The following RNF180 variants were observed in gnomAD, a reference collection of about 807,000 sequenced individuals.
The protein encoded by RNF180 is ring finger protein 180.
In RNF180, 38 loss-of-function variants were observed where a neutral mutation model predicts 59.2. The ratio of observed to expected loss-of-function variants is 0.64; its 90% CI spans 0.50 to 0.84. The LOEUF is 0.84. RNF180 is among the 40% of genes least tolerant of loss of function. The pLI, the probability that RNF180 is intolerant of heterozygous loss-of-function variation, is 0.00. For synonymous variants in RNF180, 262 were observed against 240.3 expected, an observed-to-expected ratio of 1.09 and a Z score of -0.84; for missense variants, 705 against 700.9, an observed-to-expected ratio of 1.01 and a Z score of -0.07.
rs75579340 is a variant in RNF180, at chr5:64,317,899, A to G, written c.1228-7287A>G. 1.5e-3 allele frequency among the ~76,000 whole-genome samples: 226 copies of G among 152,312 alleles called. 1 individual carries two copies. The highest frequency in any genetic ancestry group is 5.2e-3 in the African/African-American group (216 of 41,574). On this transcript the variant is annotated intron_variant, in intron 5 of 7. Coordinates refer to ENST00000389100, the MANE Select transcript of RNF180 (RefSeq NM_001113561.2). ...CCTTAAATGTGCTCAGAACGTTTCCATTAGTACATTTGCCCACAGTTGGGC... is the reference window on the plus strand; with the variant it reads ...CCTTAAATGTGCTCAGAACGTTTCCGTTAGTACATTTGCCCACAGTTGGGC...
chr5:64,238,152 T>C (rs1181970534), intron 5 of RNF180, among the ~76,000 whole-genome samples: 1 of 152,220 alleles, frequency 6.6e-6, no homozygotes, highest in Non-Finnish European at 1.5e-5. Flanking sequence ...TCAACCATGT[T>C]TTTGCATATT....
chr5:64,345,756 T>C (rs1745528265), intron 7 of RNF180, among the ~76,000 whole-genome samples: 3 of 152,188 alleles, frequency 2.0e-5, no homozygotes, highest in Admixed American at 1.3e-4. Flanking sequence ...TGGATAATTA[T>C]CTAATATAAC....
intron 5 of RNF180, among the ~76,000 whole-genome samples, chr5:64,239,557 A>T (rs1016587461): frequency 6.6e-6 from 1 of 152,118 alleles, no homozygotes; most frequent in African/African-American, 2.4e-5. Flanking sequence ...AACGTTTCTC[A>T]GTTGAGTTAA....
At chr5:64,257,432 A>G (rs1429014388) in intron 5 of RNF180, among the ~76,000 whole-genome samples, 2 of 152,180 alleles carry the variant, frequency 1.3e-5, no homozygotes, top group African/African-American at 4.8e-5. Flanking sequence ...AATTTTGTCA[A>G]AGGCATTTTC....
chr5:64,337,000 TG>T, intron 7 of RNF180, among the ~76,000 whole-genome samples: 1 of 150,864 alleles, frequency 6.6e-6, no homozygotes, highest in African/African-American at 2.4e-5. Context: ...CTTTTTTTGT[TG>T]TTGTTTTTTT....
At chr5:64,192,903 G>GTGTGTATATATATA (rs1486448173) in intron 1 of RNF180, among the ~76,000 whole-genome samples, 83 of 93,844 alleles carry the variant, frequency 8.8e-4, no homozygotes, top group African/African-American at 3.3e-3. Flanking sequence ...AGTGTGGCAT[G>GTGTGTATATATATA]TATATATATA....
intron 5 of RNF180, among the ~76,000 whole-genome samples, chr5:64,226,372 A>G (rs907917687): frequency 2.6e-5 from 4 of 152,188 alleles, no homozygotes; most frequent in Admixed American, 6.5e-5. Context: ...CCCCAACCCC[A>G]TGCTCTCTGA....
intron 2 of RNF180, among the ~76,000 whole-genome samples, chr5:64,208,231 C>T (rs1400742282): frequency 6.6e-6 from 1 of 152,016 alleles, no homozygotes; most frequent in Non-Finnish European, 1.5e-5. Flanking sequence ...CAACATTTTT[C>T]TGACATTATT....
At chr5:64,287,696 T>C (rs1304849953) in intron 5 of RNF180, among the ~76,000 whole-genome samples, 2 of 152,230 alleles carry the variant, frequency 1.3e-5, no homozygotes, top group African/African-American at 2.4e-5. Flanking sequence ...TTTTTTCATA[T>C]GTTTGTTGGC....
chr5:64,330,061 T>G (rs1211360086), intron 6 of RNF180, among the ~76,000 whole-genome samples: 1 of 152,224 alleles, frequency 6.6e-6, no homozygotes, highest in Non-Finnish European at 1.5e-5. Flanking sequence ...AGATTTATGT[T>G]CTATGTGTAG....
At chr5:64,282,033 C>T (rs949227084) in intron 5 of RNF180, among the ~76,000 whole-genome samples, 4 of 152,032 alleles carry the variant, frequency 2.6e-5, no homozygotes, top group South Asian at 4.1e-4. Flanking sequence ...TTTTTGCATC[C>T]GTGTTCATCA....
chr5:64,351,958 A>G (rs1214300958), intron 7 of RNF180, among the ~76,000 whole-genome samples: 1 of 152,116 alleles, frequency 6.6e-6, no homozygotes, highest in Non-Finnish European at 1.5e-5. Flanking sequence ...ATTGATTGGA[A>G]TAGTTTCAGA....
At chr5:64,229,115 C>T (rs1310068581) in intron 5 of RNF180, among the ~76,000 whole-genome samples, 2 of 151,690 alleles carry the variant, frequency 1.3e-5, no homozygotes, top group East Asian at 1.9e-4. Flanking sequence ...TGTAGAGATG[C>T]GGTCTCACTA....
intron 5 of RNF180, among the ~76,000 whole-genome samples, chr5:64,241,193 T>G (rs1467697358): frequency 6.6e-6 from 1 of 152,198 alleles, no homozygotes; most frequent in African/African-American, 2.4e-5. Context: ...ATTTCCAGCC[T>G]CCTTCTTTGC....
chr5:64,300,866 C>A lies in RNF180; in HGVS notation c.1228-24320C>A, dbSNP rs369644264. 2.8e-4 allele frequency among the ~76,000 whole-genome samples: 43 copies of A among 151,784 alleles called. No individual in the cohort carries two copies. In the East Asian group the frequency reaches 5.8e-3, roughly 21 times the overall value. Reference sequence around the variant, plus strand: ...CCTTACTATATCTCCTATTCATTACCCTTGTAAGCAGTAAATAGTTACCAA... The same window carrying A: ...CCTTACTATATCTCCTATTCATTACACTTGTAAGCAGTAAATAGTTACCAA... On this transcript the variant is annotated intron_variant, in intron 5 of 7. Transcript: ENST00000389100.
chr5:64,264,740 A>T (rs1744561088), intron 5 of RNF180, among the ~76,000 whole-genome samples: 1 of 152,194 alleles, frequency 6.6e-6, no homozygotes, highest in African/African-American at 2.4e-5. Flanking sequence ...CTTTGGGTAT[A>T]TACCCAATAA....
chr5:64,347,018 G>T (rs1410662955), intron 7 of RNF180, among the ~76,000 whole-genome samples: 2 of 152,188 alleles, frequency 1.3e-5, no homozygotes, highest in African/African-American at 4.8e-5. Flanking sequence ...GAGACGAACA[G>T]TGTTTGCCTT....
rs754521343 is a variant in RNF180, at chr5:64,171,242, C to T, written c.-1+5289C>T. Among the ~76,000 whole-genome samples the T allele has an allele frequency of 5.3e-5, 8 of 152,276 alleles. No individual in the cohort carries two copies. The South Asian group carries it at 6.2e-4, about 12-fold the overall frequency. On this transcript the variant is annotated intron_variant, in intron 1 of 7. Transcript: ENST00000389100. ...CTTACCAGAGGACTGAGGGGGATAA[C>T]GACAATGATAATGCTAGACTGTTTG...
At chr5:64,251,237 C>T (rs1013695507) in intron 5 of RNF180, among the ~76,000 whole-genome samples, 2 of 152,164 alleles carry the variant, frequency 1.3e-5, no homozygotes, top group African/African-American at 2.4e-5. Context: ...CAACTAACAT[C>T]ATACACAATG....
Sources: allele counts gnomAD v4.1 joint callset (sites outside exome capture counted in the v4.1 genomes callset), GRCh38; gene constraint gnomAD v4.1.1; transcripts MANE v1.5; gene names NCBI Gene and HGNC (gene_info 2026-07-23, HGNC 2026-07-21).